CCM2: variants seen among roughly 807,000 people sequenced by gnomAD.
The protein encoded by CCM2 is cerebral cavernous malformations 2 protein.
CCM2 carries 25 observed loss-of-function variants against 44.9 expected under a neutral mutation model. The observed-to-expected ratio is 0.56, with a 90% CI of 0.41 to 0.78. CCM2 has a LOEUF of 0.78. CCM2 is among the 30% of genes least tolerant of loss of function. CCM2 has a pLI of 0.00. For missense variants in CCM2, 481 were observed against 580.6 expected (o/e 0.83, Z 1.76); for synonymous variants, 219 against 241.1 (o/e 0.91, Z 0.85).
At chr7:45,071,594 G>A (rs36074131) in intron 6 of CCM2, 15,985 of 353,430 alleles carry the variant, frequency 0.045, 728 homozygotes, top group South Asian at 0.14. Flanking sequence ...AATTCTATAC[G>A]TTAAGAGTCC....
At chr7:45,024,609 G>A (rs2128720366) in intron 1 of CCM2, among the ~76,000 whole-genome samples, 1 of 152,254 alleles carries the variant, frequency 6.6e-6, no homozygotes, top group African/African-American at 2.4e-5. Context: ...AGATCCCAAG[G>A]CACTGCAGGT....
chr7:45,033,734 G>C (rs1797078806), intron 1 of CCM2, among the ~76,000 whole-genome samples: 1 of 152,170 alleles, frequency 6.6e-6, no homozygotes, highest in African/African-American at 2.4e-5. Context: ...CTCCAGGCCA[G>C]GGTCTTGCAC....
Position 45,064,012 on chromosome 7 carries a change from C to G in CCM2, c.288+11C>G. On this transcript the variant is annotated intron_variant, in intron 3 of 9. Coordinates refer to ENST00000258781, the MANE Select transcript of CCM2 (RefSeq NM_031443.4). ...ATAGACAATGCAAAGGTAACCCTAT[C>G]CTCTTAACCCTGTGCACTAGCCCTC... 6.3e-7 allele frequency: 1 copy of G among 1,590,132 alleles called. No homozygotes were observed. Among genetic ancestry groups the G allele is most frequent in the Non-Finnish European group, 8.6e-7 (1 of 1,158,208 alleles).
At chr7:45,030,934 G>C (rs906258073) in intron 1 of CCM2, among the ~76,000 whole-genome samples, 1 of 152,002 alleles carries the variant, frequency 6.6e-6, no homozygotes, top group African/African-American at 2.4e-5. Context: ...ATGTTGGCCA[G>C]GGTGGTCTTG....
At chr7:45,008,833 G>T (rs1795952741) in intron 1 of CCM2, among the ~76,000 whole-genome samples, 2 of 152,014 alleles carry the variant, frequency 1.3e-5, no homozygotes, top group South Asian at 4.1e-4. Flanking sequence ...CATGCTACTG[G>T]GTATAGACAA....
intron 2 of CCM2, among the ~76,000 whole-genome samples, chr7:45,054,390 G>A (rs890597130): frequency 1.3e-5 from 2 of 152,074 alleles, no homozygotes; most frequent in East Asian, 3.9e-4. Flanking sequence ...TCAGAATCCT[G>A]TTCCTTCCCT....
At chr7:45,021,701 G>C (rs1796487957) in intron 1 of CCM2, among the ~76,000 whole-genome samples, 1 of 152,096 alleles carries the variant, frequency 6.6e-6, no homozygotes. Context: ...AGGAGGAGGA[G>C]CTGAGGAGGA....
intron 2 of CCM2, among the ~76,000 whole-genome samples, chr7:45,049,502 T>C (rs1453784485): frequency 6.6e-6 from 1 of 152,248 alleles, no homozygotes; most frequent in Non-Finnish European, 1.5e-5. Flanking sequence ...TCTTGATTTA[T>C]CGCCGAGTGT....
chr7:45,073,084 C>T (rs569392816), intron 7 of CCM2: 13 of 587,714 alleles, frequency 2.2e-5, no homozygotes, highest in East Asian at 1.1e-4. Context: ...CCTGCCGAGG[C>T]GCTGGCCTTC....
intron 2 of CCM2, among the ~76,000 whole-genome samples, chr7:45,046,812 T>A (rs1302579359): frequency 6.6e-6 from 1 of 152,190 alleles, no homozygotes; most frequent in Non-Finnish European, 1.5e-5. Context: ...GAGGAGATAT[T>A]TTTAAACCAC....
In CCM2 at chr7:45,076,087, T is replaced by G. The variant is rs1283687935; in HGVS notation, c.*30T>G. ...CAGTGGATGGGGGGGCACCCACACC[T>G]TCCGCGCAGTCGTCATAGGCCTTCC... On this transcript the variant is annotated 3_prime_UTR_variant, in exon 10 of 10. Transcript: ENST00000258781. 6.2e-7 allele frequency: 1 copy of G among 1,612,280 alleles called. No homozygotes were observed. Among genetic ancestry groups the G allele is most frequent in the South Asian group, 1.1e-5 (1 of 91,064 alleles).
At chr7:45,062,666 C>T (rs1798579213) in intron 2 of CCM2, among the ~76,000 whole-genome samples, 1 of 151,978 alleles carries the variant, frequency 6.6e-6, no homozygotes, top group Non-Finnish European at 1.5e-5. Flanking sequence ...AAAACCCTGT[C>T]TCTACAAAAA....
Position 45,051,776 on chromosome 7 carries a change from T to C in CCM2, c.205-12142T>C, listed in dbSNP as rs181480056. Among the ~76,000 whole-genome samples, 1,205 of 152,240 alleles carry C rather than the reference T, an allele frequency of 7.9e-3. 16 individuals are homozygous for C. Among genetic ancestry groups the C allele is most frequent in the African/African-American group, 0.027 (1,132 of 41,518 alleles). ...CGGGGTTTCACTGTGTTAGCCAGGA[T>C]GGTCTCGATCTCCTGACCTCGTGAT... On this transcript the variant is annotated intron_variant, in intron 2 of 9. Transcript: ENST00000258781.
intron 1 of CCM2, among the ~76,000 whole-genome samples, chr7:45,001,829 A>G (rs1795646242): frequency 6.6e-6 from 1 of 152,144 alleles, no homozygotes; most frequent in African/African-American, 2.4e-5. Context: ...ATTATCAAGA[A>G]TTTTCCAGTT....
chr7:45,064,705 A>G, intron 4 of CCM2, 59 bp downstream of exon 4: 1 of 1,589,154 alleles, frequency 6.3e-7, no homozygotes, highest in Admixed American at 1.7e-5. Context: ...TGTGAATTTT[A>G]TGAAGTTCTG....
intron 4 of CCM2, among the ~76,000 whole-genome samples, chr7:45,065,910 A>T (rs2128748481): frequency 6.6e-6 from 1 of 152,238 alleles, no homozygotes; most frequent in East Asian, 1.9e-4. Flanking sequence ...ACCCTGCGGG[A>T]GGCCTTAGGC....
chr7:45,026,395 GCAAT>G (rs141023668), intron 1 of CCM2, among the ~76,000 whole-genome samples: 1,587 of 152,234 alleles, frequency 0.01, 25 homozygotes, highest in African/African-American at 0.037. Flanking sequence ...TTATTCTGAA[GCAAT>G]CAGTCTTTTT....
intron 1 of CCM2, among the ~76,000 whole-genome samples, chr7:45,028,995 G>C (rs570405711): frequency 6.6e-6 from 1 of 152,276 alleles, no homozygotes; most frequent in East Asian, 1.9e-4. Flanking sequence ...TGGGACTATA[G>C]CCTATCACTG....
intron 2 of CCM2, 58 bp from the exon 3 acceptor site, chr7:45,063,860 T>C: frequency 8.9e-7 from 1 of 1,119,766 alleles, no homozygotes; most frequent in Non-Finnish European, 1.4e-6. Context: ...GTGGTAGTGA[T>C]GGTGGTGTTG....
Sources: gnomAD v4.1 joint callset for allele counts (sites outside exome capture counted in the v4.1 genomes callset) on GRCh38, gnomAD v4.1.1 for gene constraint, MANE v1.5 for transcripts, NCBI Gene and HGNC (gene_info 2026-07-23, HGNC 2026-07-21) for gene names.